The following SIL1 variants were observed in gnomAD, a reference collection of about 807,000 sequenced individuals.
SIL1 encodes SIL1 nucleotide exchange factor.
A neutral mutation model predicts 49.1 loss-of-function variants in SIL1; 40 were observed. The ratio of observed to expected loss-of-function variants is 0.81; its 90% CI spans 0.63 to 1.06. The LOEUF is 1.06. Ranked by LOEUF, SIL1 falls within the 50% of genes least tolerant of loss-of-function variation. The pLI is 0.00. For synonymous variants in SIL1, 253 were observed against 250.8 expected (o/e 1.01, Z -0.08); for missense variants, 500 against 572.6 (o/e 0.87, Z 1.29).
At chr5:139,137,082 C>T (rs577645719) in intron 1 of SIL1, among the ~76,000 whole-genome samples, 4 of 152,376 alleles carry the variant, frequency 2.6e-5, no homozygotes, top group African/African-American at 7.2e-5. Flanking sequence ...ATAATAACTC[C>T]GCCATGGCGG....
At chr5:139,082,466 A>G (rs1413826276) in intron 3 of SIL1, among the ~76,000 whole-genome samples, 2 of 152,180 alleles carry the variant, frequency 1.3e-5, no homozygotes, top group Admixed American at 6.5e-5. Flanking sequence ...GTCTCTCCCC[A>G]TGTGCTACAA....
intron 1 of SIL1, among the ~76,000 whole-genome samples, chr5:139,153,923 T>C (rs1316851581): frequency 6.6e-6 from 1 of 152,208 alleles, no homozygotes; most frequent in Non-Finnish European, 1.5e-5. Context: ...ATCCTTCCAG[T>C]GCTCTTTCCC....
chr5:139,064,996 G>C (rs757369737), intron 3 of SIL1, among the ~76,000 whole-genome samples: 2 of 152,140 alleles, frequency 1.3e-5, no homozygotes, highest in Non-Finnish European at 2.9e-5. Context: ...AGTTTTCCCA[G>C]CTATGAGAAA....
intron 3 of SIL1, among the ~76,000 whole-genome samples, chr5:139,082,029 C>A (rs532746220): frequency 1.3e-5 from 2 of 152,186 alleles, no homozygotes; most frequent in Non-Finnish European, 2.9e-5. Flanking sequence ...AGAAATCTAG[C>A]ATTACAAATT....
At chr5:139,182,465 A>G (rs2151820271) in intron 1 of SIL1, among the ~76,000 whole-genome samples, 1 of 152,352 alleles carries the variant, frequency 6.6e-6, no homozygotes, top group South Asian at 2.1e-4. Context: ...TGGTAACCAG[A>G]AAGAACCCTT....
chr5:139,091,697 A>G (rs1047872434), intron 3 of SIL1, among the ~76,000 whole-genome samples: 1 of 152,236 alleles, frequency 6.6e-6, no homozygotes, highest in East Asian at 1.9e-4. Context: ...AATAACCTGG[A>G]TGAGCCTGGA....
intron 7 of SIL1, among the ~76,000 whole-genome samples, chr5:138,991,550 C>G (rs1407872660): frequency 2.0e-5 from 3 of 152,230 alleles, no homozygotes; most frequent in African/African-American, 7.2e-5. Context: ...AGCCCCAAGA[C>G]TCCCCCAGCA....
intron 7 of SIL1, among the ~76,000 whole-genome samples, chr5:139,011,082 T>C (rs1768254058): frequency 6.6e-6 from 1 of 151,038 alleles, no homozygotes. Context: ...CCTTGCAGTT[T>C]GATCTCAGAC....
chr5:139,130,639 A>G (rs1170109801), intron 1 of SIL1, among the ~76,000 whole-genome samples: 1 of 152,246 alleles, frequency 6.6e-6, no homozygotes, highest in African/African-American at 2.4e-5. Context: ...ATATCCCCCA[A>G]AGAATTGAAA....
At chr5:139,008,348 CTCT>C (rs1429123112) in intron 7 of SIL1, among the ~76,000 whole-genome samples, 7 of 142,780 alleles carry the variant, frequency 4.9e-5, no homozygotes, top group East Asian at 4.0e-4. Context: ...TGATTCTTCT[CTCT>C]TTTTTTCTTT....
chr5:138,951,646 AGTGTAACTTCTCCCCCT>A, intron 8 of SIL1, 125 bp downstream of exon 8: 1 of 827,678 alleles, frequency 1.2e-6, no homozygotes, highest in East Asian at 2.5e-5. Context: ...GCTTTAGTTG[AGTGTAACTTCTCCCCCT>A]GTGCCACCCA....
Position 139,042,686 on chromosome 5 carries a change from C to T in SIL1, c.387G>A (p.Gln129=), listed in dbSNP as rs570504441. ...ATTTTGCCAGTGCACTCTTGAGATC[C>T]TGAGATGTGTAGGTGTTGGTGTTGA... The part of the protein sequence containing the change: ...LDINTNTYTS[Q]DLKSALAKFK... Residue 129 remains glutamine (Q), a synonymous_variant, in exon 5 of 10, where the codon CAG becomes CAA. Transcript: ENST00000394817. The T allele has an allele frequency of 9.3e-6, 15 of 1,614,116 alleles. No individual in the cohort carries two copies. In the South Asian group the frequency reaches 1.3e-4, roughly 14 times the overall value.
chr5:139,075,834 A>G (rs1247544127), intron 3 of SIL1, among the ~76,000 whole-genome samples: 1 of 152,180 alleles, frequency 6.6e-6, no homozygotes, highest in Non-Finnish European at 1.5e-5. Context: ...ACCTTTCACA[A>G]GGTCTACTTT....
intron 3 of SIL1, among the ~76,000 whole-genome samples, chr5:139,088,980 T>A (rs1226666810): frequency 6.6e-6 from 1 of 152,148 alleles, no homozygotes; most frequent in Non-Finnish European, 1.5e-5. Flanking sequence ...AACCTCTATC[T>A]CAGCATCGGC....
intron 2 of SIL1, 86 bp downstream of exon 2, chr5:139,127,653 C>A: frequency 9.3e-7 from 1 of 1,079,504 alleles, no homozygotes; most frequent in Non-Finnish European, 1.4e-6. Flanking sequence ...GAAGCCCACA[C>A]CCTACTCCCA....
chr5:138,978,408 GAT>G (rs1296773759), intron 7 of SIL1, among the ~76,000 whole-genome samples: 2 of 152,072 alleles, frequency 1.3e-5, no homozygotes, highest in Non-Finnish European at 2.9e-5. Flanking sequence ...CCATTGTATG[GAT>G]ATACTACATT....
intron 1 of SIL1, chr5:139,155,204 G>A (rs1751382666): frequency 6.6e-6 from 1 of 152,166 alleles, no homozygotes; most frequent in Non-Finnish European, 1.5e-5. Context: ...AGTTTATTCT[G>A]AGATTTCTGG....
intron 3 of SIL1, among the ~76,000 whole-genome samples, chr5:139,069,676 A>T (rs1769785773): frequency 6.6e-6 from 1 of 152,240 alleles, no homozygotes. Context: ...ATACCTAAGA[A>T]TACTGACCAG....
At chr5:139,083,380 T>G (rs1465358050) in intron 3 of SIL1, among the ~76,000 whole-genome samples, 1 of 151,048 alleles carries the variant, frequency 6.6e-6, no homozygotes, top group African/African-American at 2.4e-5. Flanking sequence ...TTCTAACTGG[T>G]GTGAGATGAT....
Sources: gnomAD v4.1 joint callset for allele counts (sites outside exome capture counted in the v4.1 genomes callset) on GRCh38, gnomAD v4.1.1 for gene constraint, MANE v1.5 for transcripts, NCBI Gene and HGNC (gene_info 2026-07-23, HGNC 2026-07-21) for gene names.